The following LINGO2 variants were observed in gnomAD, a reference collection of about 807,000 sequenced individuals.
The protein encoded by LINGO2 is leucine rich repeat and Ig domain containing 2.
Under a neutral mutation model 30.6 loss-of-function variants are expected in LINGO2, and 14 were observed. The ratio of observed to expected loss-of-function variants is 0.46; its 90% CI spans 0.30 to 0.72. LINGO2 has a LOEUF of 0.72. LINGO2 is among the 30% of genes least tolerant of loss of function. The pLI is 0.07. For missense variants in LINGO2, 729 were observed against 751.7 expected, an observed-to-expected ratio of 0.97 and a Z score of 0.35; for synonymous variants, 317 against 288.5, an observed-to-expected ratio of 1.10 and a Z score of -1.00.
At chr9:28,835,140 T>C in the LINGO2 span, among the ~76,000 whole-genome samples, 1 of 152,040 alleles carries the variant, frequency 6.6e-6, no homozygotes, top group Non-Finnish European at 1.5e-5. Context: ...CAGGTGAGAG[T>C]TGGCATCTCT....
the LINGO2 span, among the ~76,000 whole-genome samples, chr9:29,164,816 ATTATC>A: frequency 2.6e-5 from 4 of 152,234 alleles, no homozygotes; most frequent in South Asian, 2.1e-4. Flanking sequence ...AGATTCCATA[ATTATC>A]TTATTGCTGA....
the LINGO2 span, among the ~76,000 whole-genome samples, chr9:28,877,005 T>TCA: frequency 6.6e-6 from 1 of 152,174 alleles, no homozygotes; most frequent in South Asian, 2.1e-4. Context: ...TGGCCAGTGA[T>TCA]GGTAACCATT....
At chr9:28,651,115 A>G (rs1837219) in intron 1 of LINGO2, among the ~76,000 whole-genome samples, 47,895 of 151,466 alleles carry the variant, frequency 0.32, 9,109 homozygotes, top group African/African-American at 0.53. Context: ...ACCCGGAGGC[A>G]GAGCTTGCAG....
chr9:29,161,058 G>A, the LINGO2 span, among the ~76,000 whole-genome samples: 1 of 152,212 alleles, frequency 6.6e-6, no homozygotes, highest in Admixed American at 6.5e-5. Context: ...AGGAGCCAGG[G>A]CACAACAGGG....
At chr9:28,854,046 G>A in the LINGO2 span, among the ~76,000 whole-genome samples, 3 of 151,982 alleles carry the variant, frequency 2.0e-5, no homozygotes, top group Admixed American at 1.3e-4. Flanking sequence ...GAAGTTGCAT[G>A]TGGCAATGAC....
the LINGO2 span, among the ~76,000 whole-genome samples, chr9:29,165,302 T>C: frequency 6.6e-6 from 1 of 152,130 alleles, no homozygotes; most frequent in South Asian, 2.1e-4. Context: ...TCCCAGATAC[T>C]GTTCTAAACA....
intron 4 of LINGO2, among the ~76,000 whole-genome samples, chr9:28,139,135 G>C (rs1302377722): frequency 1.3e-5 from 2 of 152,180 alleles, no homozygotes; most frequent in Non-Finnish European, 2.9e-5. Context: ...TGAAGAGAGA[G>C]AGCCACAGTT....
intron 1 of LINGO2, among the ~76,000 whole-genome samples, chr9:28,568,913 C>T (rs1002218153): frequency 6.1e-5 from 9 of 146,742 alleles, no homozygotes; most frequent in Admixed American, 3.3e-4. Context: ...ATAAAACTCA[C>T]GAGTAAAGGT....
the LINGO2 span, among the ~76,000 whole-genome samples, chr9:29,203,073 C>A: frequency 6.6e-6 from 1 of 151,912 alleles, no homozygotes; most frequent in Non-Finnish European, 1.5e-5. Context: ...CAGAACCAAC[C>A]ATATATATAT....
At chr9:28,445,890 A>G (rs1030167851) in intron 2 of LINGO2, among the ~76,000 whole-genome samples, 3 of 152,166 alleles carry the variant, frequency 2.0e-5, no homozygotes, top group Non-Finnish European at 4.4e-5. Flanking sequence ...ATGATTTACT[A>G]CCTCACATTA....
At chr9:28,797,359 TAG>T in the LINGO2 span, among the ~76,000 whole-genome samples, 348 of 34,172 alleles carry the variant, frequency 0.01, 2 homozygotes, top group East Asian at 0.013. Context: ...TATATATATA[TAG>T]AGAGAGAGAG....
chr9:28,598,431 AAAAC>A (rs1245675168), intron 1 of LINGO2, among the ~76,000 whole-genome samples: 1 of 125,466 alleles, frequency 8.0e-6, no homozygotes, highest in Non-Finnish European at 1.9e-5. Flanking sequence ...AAAAAAAAAA[AAAAC>A]AAAACAAACA....
the LINGO2 span, among the ~76,000 whole-genome samples, chr9:29,210,382 G>A: frequency 6.6e-6 from 1 of 152,086 alleles, no homozygotes; most frequent in Non-Finnish European, 1.5e-5. Flanking sequence ...AAATACATTT[G>A]AGCCCTAAAT....
At chr9:28,997,608 G>A in the LINGO2 span, among the ~76,000 whole-genome samples, 11 of 152,118 alleles carry the variant, frequency 7.2e-5, no homozygotes, top group African/African-American at 2.4e-4. Context: ...CGGATCACGA[G>A]GTCAGGAGAT....
At chr9:28,757,628 A>G in the LINGO2 span, among the ~76,000 whole-genome samples, 1 of 151,972 alleles carries the variant, frequency 6.6e-6, no homozygotes, top group African/African-American at 2.4e-5. Flanking sequence ...TCCACGAACA[A>G]CTGATCTCCA....
At chr9:28,088,258 T>A (rs1445491641) in intron 4 of LINGO2, among the ~76,000 whole-genome samples, 2 of 150,806 alleles carry the variant, frequency 1.3e-5, no homozygotes, top group Non-Finnish European at 3.0e-5. Flanking sequence ...TTAGTACAAC[T>A]AATGGGTACA....
intron 2 of LINGO2, among the ~76,000 whole-genome samples, chr9:28,428,094 T>C (rs1442705232): frequency 6.6e-6 from 1 of 152,132 alleles, no homozygotes; most frequent in African/African-American, 2.4e-5. Context: ...TTTTTAACAT[T>C]GCAAAATATT....
At chr9:28,095,508 T>C (rs1040005114) in intron 4 of LINGO2, among the ~76,000 whole-genome samples, 2 of 152,154 alleles carry the variant, frequency 1.3e-5, no homozygotes, top group African/African-American at 4.8e-5. Context: ...GCTAGCCATA[T>C]GTAGAAAGCT....
At chr9:28,145,621 T>C (rs1827791694) in intron 4 of LINGO2, among the ~76,000 whole-genome samples, 1 of 152,048 alleles carries the variant, frequency 6.6e-6, no homozygotes, top group Admixed American at 6.6e-5. Flanking sequence ...CATGTGTTAA[T>C]TTTTTTCTTC....
Sources: allele counts gnomAD v4.1 joint callset (sites outside exome capture counted in the v4.1 genomes callset), GRCh38; gene constraint gnomAD v4.1.1; transcripts MANE v1.5; gene names NCBI Gene and HGNC (gene_info 2026-07-23, HGNC 2026-07-21).